NCOR2: variants seen among roughly 807,000 people sequenced by gnomAD.
NCOR2 encodes CTG repeat protein 26.
In NCOR2, 81 loss-of-function variants were observed where a neutral mutation model predicts 262.9. That is an observed-to-expected ratio of 0.31 (90% CI 0.26 to 0.37). The LOEUF (loss-of-function observed/expected upper bound fraction) is 0.37. Among genes scored for constraint, NCOR2 ranks in the 10% least tolerant of loss-of-function variants. The pLI is 1.00. For missense variants in NCOR2, 3,385 were observed against 3,621.4 expected (o/e 0.93, Z 1.68); for synonymous variants, 1,659 against 1,559.3 (o/e 1.06, Z -1.51).
intron 5 of NCOR2, among the ~76,000 whole-genome samples, chr12:124,462,608 C>A (rs759399785): frequency 1.3e-5 from 2 of 152,170 alleles, no homozygotes; most frequent in Non-Finnish European, 2.9e-5. Context: ...ACCAGGTGGC[C>A]GGGCATGGAG....
chr12:124,408,502 T>C (rs1200143405), intron 13 of NCOR2, among the ~76,000 whole-genome samples: 1 of 152,124 alleles, frequency 6.6e-6, no homozygotes, highest in East Asian at 1.9e-4. Context: ...ATCTCAGTGC[T>C]TTGGGAGGGC....
At position 124,483,585 on chromosome 12, in the gene NCOR2, C is replaced by A. The variant is rs201806165; in HGVS notation, c.411+11G>T. 1.3e-6 allele frequency: 2 copies of A among 1,566,078 alleles called. No individual in the cohort carries two copies. The highest frequency in any genetic ancestry group is 2.3e-5 in the East Asian group (1 of 43,050). Reference sequence around the variant, plus strand: ...CGGGAGAGGAGCTCCCAGCTGGGGGCCCAGGCTTACCTTGGTGAGGTCTTC... The same window carrying A: ...CGGGAGAGGAGCTCCCAGCTGGGGGACCAGGCTTACCTTGGTGAGGTCTTC... On this transcript the variant is annotated intron_variant, in intron 3 of 46. Transcript: ENST00000405201. The surrounding 1 kb of genome is among the most constrained non-coding windows in gnomAD (Gnocchi z 6.3).
At chr12:124,392,636 G>A (rs1292881430) in intron 16 of NCOR2, among the ~76,000 whole-genome samples, 7 of 152,198 alleles carry the variant, frequency 4.6e-5, no homozygotes, top group African/African-American at 7.2e-5. Flanking sequence ...AGCTTTGTGC[G>A]GCAGAGCACA....
intron 1 of NCOR2, among the ~76,000 whole-genome samples, chr12:124,521,892 C>A (rs2050210419): frequency 6.6e-6 from 1 of 152,170 alleles, no homozygotes; most frequent in South Asian, 2.1e-4. Context: ...GTGGCGCATA[C>A]CCGTAATTCC....
rs2051637438 is a variant in NCOR2, at chr12:124,549,282, G to A, written c.-164-13671C>T. Among the ~76,000 whole-genome samples the A allele has an allele frequency of 6.6e-6, 1 of 151,924 alleles. No homozygotes were observed. Among genetic ancestry groups the A allele is most frequent in the South Asian group, 2.1e-4 (1 of 4,816 alleles). ...CGCAGCTGAGGGGCTGGCGGTGGGAGGGGCAGGGCCGCGGCTGGAGGATAA... is the reference window on the plus strand; with the variant it reads ...CGCAGCTGAGGGGCTGGCGGTGGGAAGGGCAGGGCCGCGGCTGGAGGATAA... On this transcript the variant is annotated intron_variant, in intron 1 of 32. Transcript: ENST00000458234. This position sits in a 1 kb window ranked among gnomAD's most constrained non-coding sequence, Gnocchi z 4.4.
At chr12:124,337,511 A>G (rs966776014) in intron 37 of NCOR2, among the ~76,000 whole-genome samples, 3 of 152,202 alleles carry the variant, frequency 2.0e-5, no homozygotes, top group Admixed American at 6.5e-5. Flanking sequence ...GATCACATTA[A>G]CAGATATCCC....
chr12:124,382,450 G>A (rs938519852), intron 17 of NCOR2, among the ~76,000 whole-genome samples: 3 of 152,306 alleles, frequency 2.0e-5, no homozygotes, highest in African/African-American at 4.8e-5. Context: ...CCTGGATCTC[G>A]GGGTCCCCTC....
exon 38 of NCOR2, chr12:124,337,131 C>T: frequency 6.6e-7 from 1 of 1,513,506 alleles, no homozygotes; most frequent in Non-Finnish European, 8.9e-7. Flanking sequence ...CAGTGGGTGG[C>T]AGGTGGGAAT....
exon 1 of NCOR2, chr12:124,567,420 G>A (rs1377304660): frequency 6.7e-6 from 1 of 150,340 alleles, no homozygotes; most frequent in Non-Finnish European, 1.5e-5. Context: ...GCCCGGCCTC[G>A]GGTCGGGACG....
At chr12:124,337,716 G>A (rs2036011275) in intron 37 of NCOR2, among the ~76,000 whole-genome samples, 1 of 152,196 alleles carries the variant, frequency 6.6e-6, no homozygotes, top group Non-Finnish European at 1.5e-5. Context: ...CCAGGGGGCG[G>A]CCAGGGTGGG....
exon 40 of NCOR2, chr12:124,335,192 C>A (rs753682867): frequency 6.2e-7 from 1 of 1,611,440 alleles, no homozygotes; most frequent in East Asian, 2.2e-5. Context: ...CTGGGGCGGT[C>A]TGGAGCAGCG....
intron 10 of NCOR2, among the ~76,000 whole-genome samples, chr12:124,428,039 T>A (rs1006007899): frequency 3.5e-5 from 2 of 57,148 alleles, no homozygotes; most frequent in Non-Finnish European, 1.2e-4. Context: ...CATTCCCATG[T>A]GGCCAGTGTG....
chr12:124,499,104 G>C (rs553315077), upstream of NCOR2, among the ~76,000 whole-genome samples: 4 of 152,340 alleles, frequency 2.6e-5, no homozygotes, highest in East Asian at 7.7e-4. Flanking sequence ...AATAAGCTTT[G>C]ACTTTTCATC....
chr12:124,379,661 A>G (rs948311013), intron 17 of NCOR2, among the ~76,000 whole-genome samples: 1 of 152,210 alleles, frequency 6.6e-6, no homozygotes, highest in Non-Finnish European at 1.5e-5. Context: ...GCTCTCAGCC[A>G]AGAGCCCTGT....
intron 16 of NCOR2, among the ~76,000 whole-genome samples, chr12:124,393,146 G>A (rs1008039624): frequency 1.3e-5 from 2 of 152,222 alleles, no homozygotes; most frequent in Non-Finnish European, 2.9e-5. Flanking sequence ...CGGGCCTCTC[G>A]CACAGCTGGG....
chr12:124,506,993 C>A (rs1037109272), intron 1 of NCOR2, among the ~76,000 whole-genome samples: 1 of 152,122 alleles, frequency 6.6e-6, no homozygotes, highest in Non-Finnish European at 1.5e-5. Context: ...GGGTTGGGGT[C>A]CTGGGTCTTC....
chr12:124,327,044 G>A (rs2034724102), intron 45 of NCOR2, among the ~76,000 whole-genome samples: 1 of 152,184 alleles, frequency 6.6e-6, no homozygotes, highest in African/African-American at 2.4e-5. Context: ...CACACAGTGT[G>A]GGTGGGGCTT....
chr12:124,325,453 C>T (rs1282978323), exon 47 of NCOR2: 3 of 1,182,648 alleles, frequency 2.5e-6, no homozygotes, highest in African/African-American at 3.7e-5. Flanking sequence ...GTGGCTTGGG[C>T]TCCTCGTCCC....
At chr12:124,325,388 C>CCCCCCCCCCCCCGGGGGGGGGGG in exon 47 of NCOR2, 1 of 693,388 alleles carries the variant, frequency 1.4e-6, no homozygotes, top group Non-Finnish European at 2.0e-6. Context: ...CCCCCCCCCC[C>CCCCCCCCCCCCCGGGGGGGGGGG]GCCCTGTTCT....
Sources: gnomAD v4.1 joint callset for allele counts (sites outside exome capture counted in the v4.1 genomes callset) on GRCh38, gnomAD v4.1.1 for gene constraint, Gnocchi (gnomAD v3.1) non-coding constraint, MANE v1.5 for transcripts, NCBI Gene and HGNC (gene_info 2026-07-23, HGNC 2026-07-21) for gene names.